Variants in KL observed in about 807,000 individuals in gnomAD.
KL encodes the protein alpha-klotho.
A neutral mutation model predicts 84.2 loss-of-function variants in KL; 62 were observed. The observed-to-expected ratio is 0.74, with a 90% CI of 0.60 to 0.91. The LOEUF (loss-of-function observed/expected upper bound fraction) is 0.91, where lower values mean the gene tolerates loss of function less well. Among genes scored for constraint, KL ranks in the 40% least tolerant of loss-of-function variants. The pLI is 0.00. For missense variants in KL, 1,261 were observed against 1,305.7 expected, an observed-to-expected ratio of 0.97 and a Z score of 0.53; for synonymous variants, 528 against 528.0, an observed-to-expected ratio of 1.00 and a Z score of 0.00.
At chr13:33,040,367 G>A (rs1871294771) in intron 1 of KL, among the ~76,000 whole-genome samples, 1 of 152,154 alleles carries the variant, frequency 6.6e-6, no homozygotes, top group African/African-American at 2.4e-5. Flanking sequence ...TACTCTTCTT[G>A]AAGTTGAGGT....
At chr13:33,036,355 CACACAT>C (rs1319423491) in intron 1 of KL, among the ~76,000 whole-genome samples, 1 of 151,586 alleles carries the variant, frequency 6.6e-6, no homozygotes, top group African/African-American at 2.4e-5. Context: ...ACACACCACA[CACACAT>C]ACACATACCA....
chr13:33,022,134 A>T (rs993704573), intron 1 of KL, among the ~76,000 whole-genome samples: 10 of 152,340 alleles, frequency 6.6e-5, no homozygotes, highest in African/African-American at 2.4e-4. Context: ...AACAATGCCA[A>T]TTATTTTGAG....
At chr13:33,047,649 A>T (rs1016090207) in intron 1 of KL, among the ~76,000 whole-genome samples, 3 of 152,216 alleles carry the variant, frequency 2.0e-5, no homozygotes, top group African/African-American at 7.2e-5. Flanking sequence ...CTTTCATAGC[A>T]TCTGTCTTGT....
At chr13:33,033,142 T>TC (rs1239171987) in intron 1 of KL, among the ~76,000 whole-genome samples, 2 of 152,188 alleles carry the variant, frequency 1.3e-5, no homozygotes, top group African/African-American at 4.8e-5. Context: ...CAGATCTCTC[T>TC]TTTTTCTTCC....
At chr13:33,039,160 A>G (rs755096039) in intron 1 of KL, among the ~76,000 whole-genome samples, 7 of 152,184 alleles carry the variant, frequency 4.6e-5, no homozygotes, top group Non-Finnish European at 7.4e-5. Flanking sequence ...TTAATAAGCT[A>G]TATTTGTCCA....
At chr13:33,057,716 T>G (rs1872018741) in intron 3 of KL, among the ~76,000 whole-genome samples, 1 of 152,192 alleles carries the variant, frequency 6.6e-6, no homozygotes, top group South Asian at 2.1e-4. Context: ...AGGCTGCAAT[T>G]GCTATTTTCT....
intron 1 of KL, among the ~76,000 whole-genome samples, chr13:33,049,876 A>G (rs1871680095): frequency 6.6e-6 from 1 of 152,330 alleles, no homozygotes; most frequent in East Asian, 1.9e-4. Flanking sequence ...AAAAAAATAT[A>G]TAGATGGGTA....
intron 1 of KL, 92 bp downstream of exon 1, chr13:33,017,351 A>C: frequency 1.4e-5 from 17 of 1,208,900 alleles, no homozygotes; most frequent in Non-Finnish European, 1.9e-5. Flanking sequence ...AGTCTCCCCC[A>C]GACGAGGCTT....
At chr13:33,045,931 G>C (rs2138221086) in intron 1 of KL, among the ~76,000 whole-genome samples, 1 of 152,136 alleles carries the variant, frequency 6.6e-6, no homozygotes, top group Admixed American at 6.5e-5. Context: ...TTACTCTATT[G>C]ATGTAATGCA....
chr13:33,056,262 A>G (rs1871952729), intron 3 of KL, among the ~76,000 whole-genome samples: 1 of 152,222 alleles, frequency 6.6e-6, no homozygotes, highest in Admixed American at 6.5e-5. Context: ...ATAGACAAGC[A>G]GTTGGCTTTG....
Position 33,063,915 on chromosome 13 carries a change from C to T in KL, c.2768C>T (p.Pro923Leu), listed in dbSNP as rs748304951. The change falls in exon 5 of 5, where the codon CCG becomes CTG. Residue 923 changes from proline to leucine, a missense_variant. Coordinates refer to ENST00000380099, the MANE Select transcript of KL (RefSeq NM_004795.4). The stretch of plus-strand genomic sequence containing the variant: ...TATTCGTTTAACGACCGCACAGCTC[C>T]GAGGTTTGGCCTCTATCGTTATGCT... ...FAYSFNDRTA[P>L]RFGLYRYAAD... 5.0e-6 allele frequency: 8 copies of T among 1,614,172 alleles called. No individual in the cohort carries two copies. Among genetic ancestry groups the T allele is most frequent in the Non-Finnish European group, 5.1e-6 (6 of 1,180,036 alleles).
In KL at chr13:33,063,840, T is replaced by C. The variant is rs752354842; in HGVS notation, c.2702-9T>C. 1 of 1,613,662 alleles carries C rather than the reference T, an allele frequency of 6.2e-7. No homozygotes were observed. The highest frequency in any genetic ancestry group is 1.7e-5 in the Admixed American group (1 of 60,012). On this transcript the variant is annotated splice_polypyrimidine_tract_variant and intron_variant, in intron 4 of 4. Transcript: ENST00000380099. ...TAATAACTACTCTCCTATCCTTTTG[T>C]TTTTCCAGCCCACATACTGGATGGT... is the stretch of plus-strand genomic sequence containing the variant.
intron 4 of KL, among the ~76,000 whole-genome samples, chr13:33,062,287 G>A (rs571454872): frequency 1.3e-5 from 2 of 152,052 alleles, no homozygotes; most frequent in South Asian, 2.1e-4. Flanking sequence ...GAGGAGAGGC[G>A]GGAGGATTGC....
rs762626272 is a variant in KL at position 33,016,989 on chromosome 13, G to A, written c.549G>A (p.Leu183=). The A allele has an allele frequency of 1.3e-6, 2 of 1,594,056 alleles. No homozygotes were observed. The highest frequency in any genetic ancestry group is 2.7e-5 in the African/African-American group (2 of 74,682). ...GCCTGCTGGAGCGGCTGCGGGAGCT[G>A]GGCGTGCAGCCCGTGGTCACCCTGT... The part of the protein sequence containing the change: ...YRRLLERLRE[L]GVQPVVTLYH... The change falls in exon 1 of 5, where the codon CTG becomes CTA. Residue 183 remains leucine (L), a synonymous_variant. Transcript: ENST00000380099.
chr13:33,063,551 T>C (rs1566510759), intron 4 of KL, among the ~76,000 whole-genome samples: 2 of 151,774 alleles, frequency 1.3e-5, no homozygotes, highest in African/African-American at 4.8e-5. Context: ...GGCAGGCAGA[T>C]CACAAGGTCA....
At chr13:33,039,436 T>A (rs568465791) in intron 1 of KL, among the ~76,000 whole-genome samples, 188 of 152,294 alleles carry the variant, frequency 1.2e-3, no homozygotes, top group Non-Finnish European at 2.0e-3. Flanking sequence ...TCAACTTTAT[T>A]GTTGTGGGGG....
At chr13:33,029,882 C>T (rs1870912081) in intron 1 of KL, among the ~76,000 whole-genome samples, 1 of 152,080 alleles carries the variant, frequency 6.6e-6, no homozygotes, top group Non-Finnish European at 1.5e-5. Context: ...ATCCACTCAC[C>T]TCGGCCTCCC....
At chr13:33,021,088 T>A (rs1231999589) in intron 1 of KL, among the ~76,000 whole-genome samples, 2 of 152,232 alleles carry the variant, frequency 1.3e-5, no homozygotes, top group African/African-American at 4.8e-5. Context: ...TCCCTTCATC[T>A]GTATCTCTGA....
intron 1 of KL, among the ~76,000 whole-genome samples, chr13:33,036,160 A>T (rs1402065027): frequency 6.6e-6 from 1 of 152,174 alleles, no homozygotes; most frequent in African/African-American, 2.4e-5. Context: ...TGTATTAAGG[A>T]ACTCTATATT....
Sources: allele counts gnomAD v4.1 joint callset (sites outside exome capture counted in the v4.1 genomes callset), GRCh38; gene constraint gnomAD v4.1.1; transcripts MANE v1.5; gene names NCBI Gene and HGNC (gene_info 2026-07-23, HGNC 2026-07-21).